EVI5: variants seen among roughly 807,000 people sequenced by gnomAD.
EVI5 encodes ecotropic viral integration site 5.
A neutral mutation model predicts 112.0 loss-of-function variants in EVI5; 73 were observed. The observed-to-expected ratio is 0.65, with a 90% CI of 0.54 to 0.79. The LOEUF (loss-of-function observed/expected upper bound fraction) is 0.79. Among genes scored for constraint, EVI5 ranks in the 30% least tolerant of loss-of-function variants. EVI5 has a pLI of 0.00. For missense variants in EVI5, 900 were observed against 968.8 expected, an observed-to-expected ratio of 0.93 and a Z score of 0.94; for synonymous variants, 305 against 319.9, an observed-to-expected ratio of 0.95 and a Z score of 0.50.
At chr1:92,736,250 C>T in intron 2 of EVI5, 148 bp downstream of exon 2, 1 of 595,212 alleles carries the variant, frequency 1.7e-6, no homozygotes. Flanking sequence ...CTTTTAAGAC[C>T]AATCTCCCCC....
At chr1:92,525,435 A>AT (rs1427853875) in intron 19 of EVI5, among the ~76,000 whole-genome samples, 1 of 151,884 alleles carries the variant, frequency 6.6e-6, no homozygotes, top group Non-Finnish European at 1.5e-5. Flanking sequence ...TACTTGGCTA[A>AT]TTTTTGTATT....
At chr1:92,744,559 T>C (rs916477173) in intron 1 of EVI5, among the ~76,000 whole-genome samples, 3 of 151,770 alleles carry the variant, frequency 2.0e-5, no homozygotes, top group African/African-American at 7.3e-5. Flanking sequence ...TTTGCTTTGT[T>C]TGAAATTAAT....
intron 19 of EVI5, among the ~76,000 whole-genome samples, chr1:92,534,910 A>G (rs1299008669): frequency 1.3e-5 from 2 of 152,220 alleles, no homozygotes; most frequent in Non-Finnish European, 2.9e-5. Flanking sequence ...AACAAAAGCC[A>G]AAATAGACAA....
intron 14 of EVI5, among the ~76,000 whole-genome samples, chr1:92,629,641 C>G (rs1457590693): frequency 1.3e-5 from 2 of 152,084 alleles, no homozygotes; most frequent in Non-Finnish European, 2.9e-5. Flanking sequence ...AACAACTACA[C>G]TCAGATGAAA....
At chr1:92,759,588 T>C (rs779544017) in intron 1 of EVI5, among the ~76,000 whole-genome samples, 2 of 152,232 alleles carry the variant, frequency 1.3e-5, no homozygotes, top group Non-Finnish European at 2.9e-5. Flanking sequence ...AACTTTTTCA[T>C]CATCCCCAAC....
chr1:92,649,780 C>A (rs1163842162), intron 13 of EVI5, among the ~76,000 whole-genome samples: 1 of 152,088 alleles, frequency 6.6e-6, no homozygotes, highest in African/African-American at 2.4e-5. Context: ...CCCTTACACT[C>A]GAGCCTGGCG....
chr1:92,538,416 T>TAGCAA (rs1284682096), intron 19 of EVI5, among the ~76,000 whole-genome samples: 1 of 152,230 alleles, frequency 6.6e-6, no homozygotes, highest in African/African-American at 2.4e-5. Context: ...TTCAAACCTT[T>TAGCAA]AGCAAAACAC....
chr1:92,724,584 G>A (rs1489875550), intron 2 of EVI5, among the ~76,000 whole-genome samples: 2 of 152,134 alleles, frequency 1.3e-5, no homozygotes, highest in Non-Finnish European at 1.5e-5. Context: ...AAGGTGGGCA[G>A]ATTGCTTCAG....
chr1:92,534,719 T>C (rs1012935797), intron 19 of EVI5, among the ~76,000 whole-genome samples: 11 of 152,160 alleles, frequency 7.2e-5, no homozygotes, highest in African/African-American at 2.7e-4. Flanking sequence ...TGGCTAGCCA[T>C]ATCCAGAAAG....
intron 16 of EVI5, among the ~76,000 whole-genome samples, chr1:92,619,340 G>A (rs1653985205): frequency 6.6e-6 from 1 of 151,954 alleles, no homozygotes; most frequent in Admixed American, 6.6e-5. Flanking sequence ...TGGACTTCAA[G>A]CTCTTCCGTT....
chr1:92,782,264 A>C (rs1684962592), intron 1 of EVI5, among the ~76,000 whole-genome samples: 1 of 152,070 alleles, frequency 6.6e-6, no homozygotes, highest in Non-Finnish European at 1.5e-5. Flanking sequence ...CTTACAAAAC[A>C]AACAAACAAA....
chr1:92,711,073 G>T (rs922135330), intron 2 of EVI5, among the ~76,000 whole-genome samples: 21 of 152,134 alleles, frequency 1.4e-4, no homozygotes, highest in Admixed American at 9.8e-4. Flanking sequence ...AATAGCTTGT[G>T]TATGGCAGCA....
At chr1:92,734,545 A>G (rs1286127304) in intron 2 of EVI5, among the ~76,000 whole-genome samples, 1 of 152,098 alleles carries the variant, frequency 6.6e-6, no homozygotes, top group East Asian at 1.9e-4. Flanking sequence ...ATCTCCGCTC[A>G]CTGCAAGCTC....
chr1:92,750,169 A>T (rs1679957575), intron 1 of EVI5, among the ~76,000 whole-genome samples: 1 of 152,222 alleles, frequency 6.6e-6, no homozygotes, highest in African/African-American at 2.4e-5. Context: ...AGTGGAACTT[A>T]TAGAAATAAA....
chr1:92,579,381 A>G (rs1204047124), intron 18 of EVI5, among the ~76,000 whole-genome samples: 6 of 152,236 alleles, frequency 3.9e-5, no homozygotes, highest in Non-Finnish European at 7.3e-5. Context: ...GTGGAAAACC[A>G]GATTATAATT....
At chr1:92,683,981 C>G (rs759155686) in intron 9 of EVI5, among the ~76,000 whole-genome samples, 4 of 152,104 alleles carry the variant, frequency 2.6e-5, no homozygotes, top group Admixed American at 6.6e-5. Flanking sequence ...ACACTCTTCA[C>G]GATATTATCC....
chr1:92,666,450 G>C (rs1326548564), intron 10 of EVI5, among the ~76,000 whole-genome samples: 1 of 145,954 alleles, frequency 6.9e-6, no homozygotes, highest in African/African-American at 2.5e-5. Context: ...GGGAGGCTGA[G>C]GTGGGAGGCT....
chr1:92,777,550 T>C (rs929676799), intron 1 of EVI5, among the ~76,000 whole-genome samples: 1 of 152,196 alleles, frequency 6.6e-6, no homozygotes, highest in African/African-American at 2.4e-5. Context: ...AGAAATGATA[T>C]CTTGACCAAT....
At chr1:92,748,053 TCAA>T (rs1679576304) in intron 1 of EVI5, among the ~76,000 whole-genome samples, 1 of 152,154 alleles carries the variant, frequency 6.6e-6, no homozygotes, top group Non-Finnish European at 1.5e-5. Context: ...TAGCTGGACT[TCAA>T]CATATCTTTT....
Sources: gnomAD v4.1 joint callset for allele counts (sites outside exome capture counted in the v4.1 genomes callset) on GRCh38, gnomAD v4.1.1 for gene constraint, MANE v1.5 for transcripts, NCBI Gene and HGNC (gene_info 2026-07-23, HGNC 2026-07-21) for gene names.